IRF2BP2: variants seen among roughly 807,000 people sequenced by gnomAD.
IRF2BP2 encodes interferon regulatory factor 2-binding protein 2.
Under a neutral mutation model 32.7 loss-of-function variants are expected in IRF2BP2, and 13 were observed. That is an observed-to-expected ratio of 0.40 (90% confidence interval 0.26 to 0.63). IRF2BP2 has a LOEUF of 0.63. Ranked by LOEUF, IRF2BP2 falls within the 30% of genes least tolerant of loss-of-function variation. The pLI is 0.42. For synonymous variants in IRF2BP2, 555 were observed against 384.6 expected, an observed-to-expected ratio of 1.44 and a Z score of -5.18; for missense variants, 980 against 830.6, an observed-to-expected ratio of 1.18 and a Z score of -2.21.
rs955682360 is a variant in IRF2BP2, at chr1:234,604,627, A to G, written c.*2510T>C. The G allele has an allele frequency of 1.3e-5, 2 of 152,234 alleles. No homozygotes were observed. The highest frequency in any genetic ancestry group is 4.1e-4 in the South Asian group (2 of 4,832). The allele number at this position is 152,234 out of a possible 1,614,324, so 9.4% of individuals were successfully genotyped here. ...TTAAATTCTATAAATTGTTAAAAGC[A>G]AAAAAGGGAAAGCTTCAACACCCCA... On this transcript the variant is annotated 3_prime_UTR_variant, in exon 2 of 2. Coordinates refer to ENST00000366609, the MANE Select transcript of IRF2BP2 (RefSeq NM_182972.3).
Position 234,606,710 on chromosome 1 carries a change from G to C in IRF2BP2, c.*427C>G, listed in dbSNP as rs940464052. On this transcript the variant is annotated 3_prime_UTR_variant, in exon 2 of 2. Transcript: ENST00000366609. ...CCACTTGGCCTCCGGCCTGAGAAAG[G>C]GGCCAGCAATAAGGAATGACAGACA... 1.3e-5 allele frequency: 2 copies of C among 155,020 alleles called. No individual in the cohort carries two copies. Among genetic ancestry groups the C allele is most frequent in the African/African-American group, 4.8e-5 (2 of 41,462 alleles). The allele number at this position is 155,020 out of a possible 1,614,324, so 9.6% of individuals were successfully genotyped here. A position where few individuals can be genotyped will look rare whatever the true frequency, so the allele number is the denominator to read the frequency against.
chr1:234,608,985 C>G lies in IRF2BP2; in HGVS notation c.510G>C (p.Glu170Asp). Residue 170 changes from glutamate (E) to aspartate (D), a missense_variant, in exon 1 of 2, where the codon GAG becomes GAC. Coordinates refer to ENST00000366609, the MANE Select transcript of IRF2BP2 (RefSeq NM_182972.3). ...GCGGGTTCGGGCTCTGGCGATTCAG[C>G]TCGGGCGGCTCCTCTAGCTTGGAGA... ...NGFSKLEEPP[E>D]LNRQSPNPRR... is the part of the protein sequence containing the mutation. 3 of 1,353,230 alleles carry G rather than the reference C, an allele frequency of 2.2e-6. No homozygotes were observed. Among genetic ancestry groups the G allele is most frequent in the Non-Finnish European group, 2.8e-6 (3 of 1,057,666 alleles). The allele number at this position is 1,353,230 out of a possible 1,614,324, so 83.8% of individuals were successfully genotyped here. A position where few individuals can be genotyped will look rare whatever the true frequency, so the allele number is the denominator to read the frequency against.
In IRF2BP2 at chr1:234,608,411, C is replaced by T. The variant is rs921393096; in HGVS notation, c.1048+36G>A. 6 of 1,411,106 alleles carry T rather than the reference C, an allele frequency of 4.3e-6. No individual in the cohort carries two copies. In the African/African-American group the frequency reaches 9.0e-5, roughly 21 times the overall value. The allele number at this position is 1,411,106 out of a possible 1,614,324, so 87.4% of individuals were successfully genotyped here. On this transcript the variant is annotated intron_variant, in intron 1 of 1. Coordinates refer to ENST00000366609, the MANE Select transcript of IRF2BP2 (RefSeq NM_182972.3). ...CTTCCTCTGCTCTCCGTCCCCTTTT[C>T]TCCCCTAGACCCCCTCACTTCACAG...
Position 234,609,243 on chromosome 1 carries a change from C to T in IRF2BP2, c.252G>A (p.Pro84=), listed in dbSNP as rs1237975686. 54 of 1,358,186 alleles carry T rather than the reference C, an allele frequency of 4.0e-5. No homozygotes were observed. The highest frequency in any genetic ancestry group is 4.8e-5 in the Non-Finnish European group (51 of 1,059,280). 84.1% of individuals were successfully genotyped at this position (1,358,186 alleles called of 1,614,324 possible). Residue 84 remains proline, a synonymous_variant, in exon 1 of 2, where the codon CCG becomes CCA. Coordinates refer to ENST00000366609, the MANE Select transcript of IRF2BP2 (RefSeq NM_182972.3). The part of the protein sequence containing the change: ...GAAASAAAKP[P]PLSAKDILLQ... ...AAAGGATGTCCTTGGCGGAGAGCGG[C>T]GGCGGCTTGGCGGCGGCCGAGGCCG...
chr1:234,605,029 T>C lies in IRF2BP2; in HGVS notation c.*2108A>G, dbSNP rs982981214. The C allele has an allele frequency of 2.0e-5, 3 of 152,270 alleles. No individual in the cohort carries two copies. The highest frequency in any genetic ancestry group is 6.5e-5 in the Admixed American group (1 of 15,290). 9.4% of individuals were successfully genotyped at this position (152,270 alleles called of 1,614,324 possible). On this transcript the variant is annotated 3_prime_UTR_variant, in exon 2 of 2. Coordinates refer to ENST00000366609, the MANE Select transcript of IRF2BP2 (RefSeq NM_182972.3). ...ACAGGTTGCCCTTTCCACAGCTGGA[T>C]AGACTTATCCAAAACGGCAGGATGG... is the stretch of plus-strand genomic sequence containing the variant.
In IRF2BP2 at chr1:234,607,540, T is replaced by G. The variant is rs770166969; in HGVS notation, c.1361A>C (p.Asn454Thr). ...GGACGGAGAGGGCGGACTGTTGCTA[T>G]TCCTCCTGGTAGTGGAGTGAACCTG... is the stretch of plus-strand genomic sequence containing the variant. ...ANQVHSTTRR[N>T]SNSPPSPSSM... The change falls in exon 2 of 2, where the codon AAT becomes ACT. Residue 454 changes from asparagine (N) to threonine (T), a missense_variant. Physicochemically the swap from Asn to Thr is moderately conservative, Grantham distance 65. Coordinates refer to ENST00000366609, the MANE Select transcript of IRF2BP2 (RefSeq NM_182972.3). 6.2e-6 allele frequency: 10 copies of G among 1,614,232 alleles called. No individual in the cohort carries two copies. In the Admixed American group the frequency reaches 1.7e-4, roughly 27 times the overall value.
In IRF2BP2 at chr1:234,606,728, G is replaced by A. The variant is rs1390671402; in HGVS notation, c.*409C>T. The A allele has an allele frequency of 1.3e-5, 2 of 156,864 alleles. No homozygotes were observed. Among genetic ancestry groups the A allele is most frequent in the Non-Finnish European group, 2.8e-5 (2 of 70,726 alleles). The allele number at this position is 156,864 out of a possible 1,614,324, so 9.7% of individuals were successfully genotyped here. A position where few individuals can be genotyped will look rare whatever the true frequency, so the allele number is the denominator to read the frequency against. Reference sequence around the variant, plus strand: ...GAGAAAGGGGCCAGCAATAAGGAATGACAGACAGTAAGGCAATCTTACAAT... The same window carrying A: ...GAGAAAGGGGCCAGCAATAAGGAATAACAGACAGTAAGGCAATCTTACAAT... On this transcript the variant is annotated 3_prime_UTR_variant, in exon 2 of 2. Transcript: ENST00000366609.
Position 234,609,628 on chromosome 1 carries a change from CGCAAAGGCGGCGGCGGCGGCG to C in IRF2BP2, c.-155_-135del, listed in dbSNP as rs1360533650. On this transcript the variant is annotated 5_prime_UTR_variant, in exon 1 of 2. Coordinates refer to ENST00000366609, the MANE Select transcript of IRF2BP2 (RefSeq NM_182972.3). ...CTCCCCCACCAGCGGCGGCGGCGGC[CGCAAAGGCGGCGGCGGCGGCG>C]GCAAAGCCCGCGAAGGCTCGGCGCC... is the stretch of plus-strand genomic sequence containing the variant. 1.2e-4 allele frequency: 44 copies of C among 367,382 alleles called. No individual in the cohort carries two copies. The highest frequency in any genetic ancestry group is 8.5e-4 in the Middle Eastern group (1 of 1,174). 22.8% of individuals were successfully genotyped at this position (367,382 alleles called of 1,614,324 possible). A position where few individuals can be genotyped will look rare whatever the true frequency, so the allele number is the denominator to read the frequency against.
intron 1 of IRF2BP2, 66 bp downstream of exon 1, chr1:234,608,381 C>T (rs1672225277): frequency 2.4e-6 from 3 of 1,272,996 alleles, no homozygotes; most frequent in Non-Finnish European, 2.1e-6. Context: ...ATCCAAAGAA[C>T]CACCCTTCCT....
In IRF2BP2 at chr1:234,609,383, G is replaced by T; in HGVS notation, c.112C>A (p.Arg38Ser). 1.3e-6 allele frequency: 2 copies of T among 1,560,484 alleles called. No individual in the cohort carries two copies. Among genetic ancestry groups the T allele is most frequent in the East Asian group, 2.6e-5 (1 of 38,798 alleles). ...MIWDFTEPVC[R>S]GCVNYEGADR... Reference sequence around the variant, plus strand: ...GCGCCCTCGTAGTTGACGCAGCCGCGGCAGACGGGTTCGGTGAAGTCCCAG... The same window carrying T: ...GCGCCCTCGTAGTTGACGCAGCCGCTGCAGACGGGTTCGGTGAAGTCCCAG... Residue 38 changes from arginine to serine, a missense_variant, in exon 1 of 2, where the codon CGC becomes AGC. Transcript: ENST00000366609.
chr1:234,607,415 A>G lies in IRF2BP2; in HGVS notation c.1486T>C (p.Ser496Pro). 1.2e-6 allele frequency: 2 copies of G among 1,613,954 alleles called. No homozygotes were observed. The highest frequency in any genetic ancestry group is 1.7e-6 in the Non-Finnish European group (2 of 1,179,814). The change falls in exon 2 of 2, where the codon TCC (serine) becomes CCC (proline). Residue 496 changes from serine (S) to proline (P), a missense_variant. By Grantham distance (74) the Ser-to-Pro change is moderately conservative. Transcript: ENST00000366609. ...EPVHPASLPD[S>P]SLATSAPLCC... ...AGCGGGGCACTGGTTGCCAGAGAGG[A>G]GTCCGGGAGGCTGGCAGGGTGCACT...
Position 234,609,023 on chromosome 1 carries a change from C to G in IRF2BP2, c.472G>C (p.Val158Leu). ...TCTAGCTTGGAGAAGCCGTTGGGCA[C>G]CAGGATGCCGTTCACGGGCGGCGGC... is the stretch of plus-strand genomic sequence containing the variant. ...PQPPPVNGILVPNGFSKLEEP... is the reference protein window; with the variant it reads ...PQPPPVNGILLPNGFSKLEEP... The change falls in exon 1 of 2, where the codon GTG becomes CTG. Residue 158 changes from valine to leucine, a missense_variant. By Grantham distance (32) the Val-to-Leu change is conservative. Coordinates refer to ENST00000366609, the MANE Select transcript of IRF2BP2 (RefSeq NM_182972.3). The G allele has an allele frequency of 7.6e-7, 1 of 1,324,298 alleles. No homozygotes were observed. Among genetic ancestry groups the G allele is most frequent in the African/African-American group, 1.5e-5 (1 of 65,946 alleles). 82.0% of individuals were successfully genotyped at this position (1,324,298 alleles called of 1,614,324 possible).
chr1:234,607,671 G>A lies in IRF2BP2; in HGVS notation c.1230C>T (p.Asn410=). The change falls in exon 2 of 2, where the codon AAC becomes AAT. Residue 410 remains asparagine, a synonymous_variant. Coordinates refer to ENST00000366609, the MANE Select transcript of IRF2BP2 (RefSeq NM_182972.3). ...PPPPTASPHS[N]RTTPPEAAQN... is the part of the protein sequence containing the mutation. ...GGGCCGCTTCAGGCGGTGTGGTCCGGTTGGAATGAGGTGAGGCAGTGGGTG... is the reference window on the plus strand; with the variant it reads ...GGGCCGCTTCAGGCGGTGTGGTCCGATTGGAATGAGGTGAGGCAGTGGGTG... The A allele has an allele frequency of 1.2e-6, 2 of 1,614,212 alleles. No individual in the cohort carries two copies. The highest frequency in any genetic ancestry group is 1.7e-6 in the Non-Finnish European group (2 of 1,180,028).
rs1055383537 is a variant in IRF2BP2, at chr1:234,605,834, T to C, written c.*1303A>G. The C allele has an allele frequency of 1.3e-5, 2 of 152,230 alleles. No homozygotes were observed. The highest frequency in any genetic ancestry group is 2.9e-5 in the Non-Finnish European group (2 of 68,042). 9.4% of individuals were successfully genotyped at this position (152,230 alleles called of 1,614,324 possible). On this transcript the variant is annotated 3_prime_UTR_variant, in exon 2 of 2. Coordinates refer to ENST00000366609, the MANE Select transcript of IRF2BP2 (RefSeq NM_182972.3). ...ATGCAAAATAGTGATCAAAAGAAATTAGTTTACAAAAAGACTTCTAAAAAT... is the reference window on the plus strand; with the variant it reads ...ATGCAAAATAGTGATCAAAAGAAATCAGTTTACAAAAAGACTTCTAAAAAT...
At position 234,610,165 on chromosome 1, in the gene IRF2BP2, C is replaced by A. The variant is rs1223340786; in HGVS notation, c.-671G>T. Among the ~76,000 whole-genome samples the A allele has an allele frequency of 6.7e-6, 1 of 148,636 alleles. No homozygotes were observed. Among genetic ancestry groups the A allele is most frequent in the Non-Finnish European group, 1.5e-5 (1 of 66,584 alleles). ...TCGCTGCTGCTGCTGCCGCCGCGAC[C>A]GCTCCACTTCTACAGACTTGATTCT... On this transcript the variant is annotated 5_prime_UTR_variant, in exon 1 of 2. Transcript: ENST00000366609.
In IRF2BP2 at chr1:234,606,947, T is replaced by A; in HGVS notation, c.*190A>T. ...TTAACAAAAGAAAAAAATGTCTTTA[T>A]AAGTACATACCTTTTGTCGTCAAAA... On this transcript the variant is annotated 3_prime_UTR_variant, in exon 2 of 2. Transcript: ENST00000366609. 2.0e-6 allele frequency: 1 copy of A among 503,100 alleles called. No individual in the cohort carries two copies. The highest frequency in any genetic ancestry group is 3.5e-6 in the Non-Finnish European group (1 of 286,346). 31.2% of individuals were successfully genotyped at this position (503,100 alleles called of 1,614,324 possible). A position where few individuals can be genotyped will look rare whatever the true frequency, so the allele number is the denominator to read the frequency against.
Position 234,609,565 on chromosome 1 carries a change from G to A in IRF2BP2, c.-71C>T, listed in dbSNP as rs1340251121. The A allele has an allele frequency of 3.0e-5, 28 of 934,432 alleles. No homozygotes were observed. In the African/African-American group the frequency reaches 3.0e-4, roughly 10 times the overall value. The allele number at this position is 934,432 out of a possible 1,614,324, so 57.9% of individuals were successfully genotyped here. On this transcript the variant is annotated 5_prime_UTR_variant, in exon 1 of 2. Coordinates refer to ENST00000366609, the MANE Select transcript of IRF2BP2 (RefSeq NM_182972.3). ...GGGGGCGCCGCCGCCGCCCCCCACC[G>A]GCACCACGCGCGCCCTCCTCCCCCC...
rs768293579 is a variant in IRF2BP2 at position 234,609,021 on chromosome 1, C to T, written c.474G>A (p.Val158=). 10 of 1,325,038 alleles carry T rather than the reference C, an allele frequency of 7.5e-6. No homozygotes were observed. The East Asian group carries it at 1.4e-4, about 19-fold the overall frequency. 82.1% of individuals were successfully genotyped at this position (1,325,038 alleles called of 1,614,324 possible). Residue 158 remains valine, a synonymous_variant, in exon 1 of 2, where the codon GTG becomes GTA. Coordinates refer to ENST00000366609, the MANE Select transcript of IRF2BP2 (RefSeq NM_182972.3). ...PQPPPVNGIL[V]PNGFSKLEEP... The stretch of plus-strand genomic sequence containing the variant: ...CCTCTAGCTTGGAGAAGCCGTTGGG[C>T]ACCAGGATGCCGTTCACGGGCGGCG...
intron 1 of IRF2BP2, chr1:234,608,220 A>G: frequency 1.9e-6 from 1 of 528,824 alleles, no homozygotes; most frequent in African/African-American, 1.9e-5. Context: ...CTGGGAAAGG[A>G]AAACCCCGTG....
Sources: gnomAD v4.1 joint callset for allele counts (sites outside exome capture counted in the v4.1 genomes callset) on GRCh38, gnomAD v4.1.1 for gene constraint, MANE v1.5 for transcripts, NCBI Gene and HGNC (gene_info 2026-07-23, HGNC 2026-07-21) for gene names.